The following CACNA1A variants were observed in gnomAD, a reference collection of about 807,000 sequenced individuals.
The protein encoded by CACNA1A is calcium voltage-gated channel subunit alpha1 A.
In CACNA1A, 57 loss-of-function variants were observed where a neutral mutation model predicts 262.4. The observed-to-expected ratio is 0.22, with a 90% CI of 0.18 to 0.27. CACNA1A has a LOEUF of 0.27. Among genes scored for constraint, CACNA1A ranks in the 10% least tolerant of loss-of-function variants. The probability of loss-of-function intolerance (pLI) is 1.00; values close to 1 mark genes in which losing one functional copy is unlikely to be tolerated. For missense variants in CACNA1A, 2,526 were observed against 3,562.8 expected, an observed-to-expected ratio of 0.71 and a Z score of 7.41; for synonymous variants, 1,431 against 1,419.3, an observed-to-expected ratio of 1.01 and a Z score of -0.18.
intron 1 of CACNA1A, among the ~76,000 whole-genome samples, chr19:13,461,580 G>A (rs1477291): frequency 0.011 from 1,610 of 152,318 alleles, 31 homozygotes; most frequent in African/African-American, 0.037. Flanking sequence ...TGCCTCGCCC[G>A]AGGCAGAAGC....
chr19:13,328,714 T>C (rs1318691641), intron 10 of CACNA1A, among the ~76,000 whole-genome samples: 1 of 152,068 alleles, frequency 6.6e-6, no homozygotes, highest in African/African-American at 2.4e-5. Flanking sequence ...CACCCTATAA[T>C]AGAGCTATGG....
chr19:13,221,210 G>GT (rs1204956053), intron 38 of CACNA1A, among the ~76,000 whole-genome samples: 1 of 22,438 alleles, frequency 4.5e-5, no homozygotes. Context: ...GGTCCCATTT[G>GT]TTTTTTCTTT....
At chr19:13,391,233 G>A (rs1171793604) in intron 3 of CACNA1A, among the ~76,000 whole-genome samples, 1 of 152,100 alleles carries the variant, frequency 6.6e-6, no homozygotes, top group East Asian at 1.9e-4. Flanking sequence ...ATGTAATCAT[G>A]TCTTTTTTTG....
chr19:13,277,797 G>A (rs1432882804), intron 22 of CACNA1A: 1 of 152,784 alleles, frequency 6.5e-6, no homozygotes, highest in Non-Finnish European at 1.5e-5. Flanking sequence ...TAGACATGGG[G>A]TGGACACCGG....
intron 3 of CACNA1A, among the ~76,000 whole-genome samples, chr19:13,407,098 T>C (rs1415353603): frequency 6.6e-6 from 1 of 152,202 alleles, no homozygotes; most frequent in Non-Finnish European, 1.5e-5. Flanking sequence ...TGCCTCATTT[T>C]TCTCGTCAGT....
chr19:13,394,265 C>G (rs1166361367), intron 3 of CACNA1A, among the ~76,000 whole-genome samples: 2 of 152,066 alleles, frequency 1.3e-5, no homozygotes, highest in Admixed American at 1.3e-4. Flanking sequence ...TGGGCTGGGT[C>G]TTAAGCCCAT....
intron 21 of CACNA1A, chr19:13,283,711 G>T (rs2057341735): frequency 4.6e-6 from 1 of 219,378 alleles, no homozygotes; most frequent in East Asian, 1.0e-4. Flanking sequence ...TTCTGTAGGA[G>T]ATAAAAAGGC....
At position 13,506,252 on chromosome 19, in the gene CACNA1A, A is replaced by T. The variant is rs1486174268; in HGVS notation, c.-28T>A. On this transcript the variant is annotated 5_prime_UTR_variant, in exon 1 of 47. Transcript: ENST00000360228. ...TGCAAAGAGCAAAGGGCTCCGGGTT[A>T]CGCTGCGGCGAACGATGCGGAAGAC... 3.5e-6 allele frequency: 5 copies of T among 1,417,510 alleles called. No homozygotes were observed. In the South Asian group the frequency reaches 6.3e-5, roughly 18 times the overall value. 87.8% of individuals were successfully genotyped at this position (1,417,510 alleles called of 1,614,324 possible).
chr19:13,473,158 G>A (rs1978290104), intron 1 of CACNA1A, among the ~76,000 whole-genome samples: 2 of 152,044 alleles, frequency 1.3e-5, no homozygotes, highest in Admixed American at 6.6e-5. Context: ...GGAGGCTGAG[G>A]TGGGAGGATT....
chr19:13,279,953 T>C (rs1289716172), intron 22 of CACNA1A, among the ~76,000 whole-genome samples: 5 of 151,910 alleles, frequency 3.3e-5, no homozygotes, highest in Non-Finnish European at 7.4e-5. Context: ...GGATTACAGT[T>C]GTGTGTTACC....
chr19:13,233,417 TTAAG>T (rs1232489033), intron 34 of CACNA1A, among the ~76,000 whole-genome samples: 4 of 152,256 alleles, frequency 2.6e-5, no homozygotes, highest in Admixed American at 6.5e-5. Context: ...TTCAGTAGCA[TTAAG>T]TAAGCTCACA....
At chr19:13,263,618 C>T (rs978730585) in intron 24 of CACNA1A, 5 of 152,150 alleles carry the variant, frequency 3.3e-5, no homozygotes, top group African/African-American at 1.2e-4. Context: ...CTCCCAGGTT[C>T]AAGTGATTCT....
intron 11 of CACNA1A, 125 bp from the exon 12 acceptor site, chr19:13,312,906 G>T: frequency 1.9e-6 from 1 of 537,758 alleles, no homozygotes; most frequent in South Asian, 2.8e-5. Context: ...ATGAGGTCTT[G>T]CTATGCTGTT....
At chr19:13,354,137 A>G (rs1416137938) in intron 6 of CACNA1A, among the ~76,000 whole-genome samples, 1 of 152,178 alleles carries the variant, frequency 6.6e-6, no homozygotes, top group Non-Finnish European at 1.5e-5. Context: ...GGATGTTAAG[A>G]GAATAAATGT....
chr19:13,365,294 T>A (rs780358743), intron 5 of CACNA1A, 23 bp downstream of exon 5: 2 of 1,591,466 alleles, frequency 1.3e-6, no homozygotes, highest in African/African-American at 1.3e-5. Context: ...ACTGGAAAGA[T>A]GCATCATGCT....
chr19:13,447,377 T>G (rs1025857863), intron 3 of CACNA1A, among the ~76,000 whole-genome samples: 25 of 152,202 alleles, frequency 1.6e-4, no homozygotes, highest in African/African-American at 6.0e-4. Context: ...GCCACCTTGT[T>G]GTAAGCAGGG....
Position 13,241,566 on chromosome 19 carries a change from G to C in CACNA1A, c.4950+3616C>G, listed in dbSNP as rs373962649. On this transcript the variant is annotated intron_variant, in intron 31 of 46. Coordinates refer to ENST00000360228, the MANE Select transcript of CACNA1A (RefSeq NM_001127222.2). The surrounding 1 kb of genome is among the most constrained non-coding windows in gnomAD (Gnocchi z 4.0). ...TGAAGATGAGGGGGAGCGGGCGGGCGGGGGCAGTTGGGGAGGCGTGTTCAG... is the reference window on the plus strand; with the variant it reads ...TGAAGATGAGGGGGAGCGGGCGGGCCGGGGCAGTTGGGGAGGCGTGTTCAG... 1 of 1,078,914 alleles carries C rather than the reference G, an allele frequency of 9.3e-7. No homozygotes were observed. Among genetic ancestry groups the C allele is most frequent in the Non-Finnish European group, 1.4e-6 (1 of 727,796 alleles). The allele number at this position is 1,078,914 out of a possible 1,614,324, so 66.8% of individuals were successfully genotyped here.
chr19:13,436,892 T>C (rs1211262624), intron 3 of CACNA1A, among the ~76,000 whole-genome samples: 1 of 152,234 alleles, frequency 6.6e-6, no homozygotes, highest in Non-Finnish European at 1.5e-5. Flanking sequence ...CTTTGGCACC[T>C]TGGCCCCTCT....
chr19:13,503,772 T>C (rs4926296), intron 1 of CACNA1A, among the ~76,000 whole-genome samples: 110,009 of 151,726 alleles, frequency 0.73, 40,868 homozygotes, highest in African/African-American at 0.9. Context: ...TTACCTCGGG[T>C]CAAAGAGAAC....
Sources: gnomAD v4.1 joint callset for allele counts (sites outside exome capture counted in the v4.1 genomes callset) on GRCh38, gnomAD v4.1.1 for gene constraint, Gnocchi (gnomAD v3.1) non-coding constraint, MANE v1.5 for transcripts, NCBI Gene and HGNC (gene_info 2026-07-23, HGNC 2026-07-21) for gene names.